The following NYX variants were observed in gnomAD, a reference collection of about 807,000 sequenced individuals.
NYX encodes the protein nyctalopin.
For synonymous variants in NYX, 258 were observed against 245.7 expected (o/e 1.05, Z -0.47); for missense variants, 481 against 485.4 (o/e 0.99, Z 0.09).
intron 2 of NYX, among the ~76,000 whole-genome samples, chrX:41,451,071 A>G (rs1021622554): frequency 3.7e-5 from 4 of 108,348 alleles, no homozygotes; most frequent in Non-Finnish European, 7.7e-5. Flanking sequence ...GACAGGCTCA[A>G]GTGAGGCTGC....
chrX:41,461,628 T>C (rs2859028), intron 2 of NYX, among the ~76,000 whole-genome samples: 29,407 of 109,470 alleles, frequency 0.27, 3,243 homozygotes, highest in East Asian at 0.43. Flanking sequence ...ATAGTGGTTG[T>C]AGTAGTTTAC....
rs1367548663 is a variant in NYX at position 41,472,019 on chromosome X, C to T, written c.23-1472C>T. Among the ~76,000 whole-genome samples, 4 of 110,388 alleles carry T rather than the reference C, an allele frequency of 3.6e-5. No homozygotes were observed. The Admixed American group carries it at 3.9e-4, about 11-fold the overall frequency. On this transcript the variant is annotated intron_variant, in intron 2 of 2. Transcript: ENST00000378220. ...GGCAATGGCATCAGGCCCATATTTC[C>T]GTAGAGTTCAGAGTTCTGTGAGGTA...
intron 2 of NYX, among the ~76,000 whole-genome samples, chrX:41,467,935 A>G (rs1322184655): frequency 8.9e-6 from 1 of 111,807 alleles, no homozygotes; most frequent in Non-Finnish European, 1.9e-5. Context: ...CTGGGATTAC[A>G]GGTGTGAGCC....
Position 41,475,122 on chromosome X carries a change from G to A in NYX, c.*223G>A, listed in dbSNP as rs1170431436. The A allele has an allele frequency of 9.1e-6, 4 of 441,783 alleles. No homozygotes were observed. Among genetic ancestry groups the A allele is most frequent in the Non-Finnish European group, 1.6e-5 (4 of 251,488 alleles). 36.4% of individuals were successfully genotyped at this position (441,783 alleles called of 1,213,427 possible). The stretch of plus-strand genomic sequence containing the variant: ...CACGGGCATCCATTGGAAAAGAGAA[G>A]CAAGAATGAACGTGGGCCCTCGGGT... On this transcript the variant is annotated 3_prime_UTR_variant, in exon 3 of 3. Transcript: ENST00000378220.
At position 41,475,334 on chromosome X, in the gene NYX, A is replaced by G. The variant is rs2064387004; in HGVS notation, c.*435A>G. On this transcript the variant is annotated 3_prime_UTR_variant, in exon 3 of 3. Coordinates refer to ENST00000378220, the MANE Select transcript of NYX (RefSeq NM_001378477.3). Reference sequence around the variant, plus strand: ...ATTACACCGAAGTCCTTTGTTTTCTACCACAATCCTCCTCCTCCTCTCCAG... The same window carrying G: ...ATTACACCGAAGTCCTTTGTTTTCTGCCACAATCCTCCTCCTCCTCTCCAG... The G allele has an allele frequency of 6.7e-6, 1 of 149,670 alleles. No individual in the cohort carries two copies. The highest frequency in any genetic ancestry group is 7.8e-5 in the Admixed American group (1 of 12,898). The allele number at this position is 149,670 out of a possible 1,213,427, so 12.3% of individuals were successfully genotyped here.
At chrX:41,459,471 T>C (rs898009805) in intron 2 of NYX, among the ~76,000 whole-genome samples, 1 of 108,921 alleles carries the variant, frequency 9.2e-6, no homozygotes. Flanking sequence ...ATACAAAAAT[T>C]ATCTGGGTGT....
chrX:41,459,204 G>A (rs894581797), intron 2 of NYX, among the ~76,000 whole-genome samples: 3 of 112,118 alleles, frequency 2.7e-5, no homozygotes, highest in Admixed American at 1.9e-4. Context: ...TGTTACCACA[G>A]TACCTAAACT....
chrX:41,455,027 A>G (rs1264639843), intron 2 of NYX, among the ~76,000 whole-genome samples: 2 of 111,707 alleles, frequency 1.8e-5, no homozygotes, highest in African/African-American at 6.5e-5. Flanking sequence ...GCAACGAGAC[A>G]CATCTGTCCC....
At chrX:41,449,593 GA>G (rs1191731572) in intron 2 of NYX, among the ~76,000 whole-genome samples, 1 of 110,322 alleles carries the variant, frequency 9.1e-6, no homozygotes, top group East Asian at 2.9e-4. Context: ...AAAAAAAAAT[GA>G]AACTTGATTG....
Position 41,473,907 on chromosome X carries a change from G to A in NYX, c.439G>A (p.Glu147Lys). 8.0e-6 allele frequency: 9 copies of A among 1,126,034 alleles called. No individual in the cohort carries two copies. Among genetic ancestry groups the A allele is most frequent in the African/African-American group, 1.9e-5 (1 of 53,129 alleles). The allele number at this position is 1,126,034 out of a possible 1,213,427, so 92.8% of individuals were successfully genotyped here. ...AGCCTGCCGCCTCTTCAGCGTGCCC[G>A]AGCGCCTCCTGGCCGAACTGCCGGC... Reference protein sequence around the residue: ...LAACRLFSVPERLLAELPALR... With the variant: ...LAACRLFSVPKRLLAELPALR... The change falls in exon 3 of 3, where the codon GAG becomes AAG. Residue 147 changes from glutamate (E) to lysine (K), a missense_variant. Glu to Lys is a moderately conservative substitution (Grantham distance 56, BLOSUM62 1). Coordinates refer to ENST00000378220, the MANE Select transcript of NYX (RefSeq NM_001378477.3).
At chrX:41,459,284 C>T (rs1375017980) in intron 2 of NYX, among the ~76,000 whole-genome samples, 1 of 110,762 alleles carries the variant, frequency 9.0e-6, no homozygotes, top group African/African-American at 3.3e-5. Context: ...TGAGCTGCCC[C>T]GAGCCACTCC....
Position 41,473,969 on chromosome X carries a change from C to T in NYX, c.501C>T (p.Arg167=), listed in dbSNP as rs757923916. ...TCGCCGCCTTCGACAACCTGTTCCG[C>T]CGCGTGCCGGGCGCGCTGCGCGGCC... The part of the protein sequence containing the change: ...RELAAFDNLF[R]RVPGALRGLA... Residue 167 remains arginine (R), a synonymous_variant, in exon 3 of 3, where the codon CGC becomes CGT. Coordinates refer to ENST00000378220, the MANE Select transcript of NYX (RefSeq NM_001378477.3). The T allele has an allele frequency of 1.5e-5, 16 of 1,085,697 alleles. No individual in the cohort carries two copies. Among genetic ancestry groups the T allele is most frequent in the Non-Finnish European group, 6.0e-6 (5 of 839,854 alleles). The allele number at this position is 1,085,697 out of a possible 1,213,427, so 89.5% of individuals were successfully genotyped here.
At chrX:41,460,570 C>T (rs1036724681) in intron 2 of NYX, among the ~76,000 whole-genome samples, 25 of 111,414 alleles carry the variant, frequency 2.2e-4, no homozygotes, top group African/African-American at 7.8e-4. Flanking sequence ...AAGCAATCAC[C>T]GATTTTTACT....
chrX:41,447,796 G>T, intron 1 of NYX, 53 bp from the exon 2 acceptor site: 1 of 888,446 alleles, frequency 1.1e-6, no homozygotes, highest in East Asian at 3.2e-5. Flanking sequence ...GGCATGGGAG[G>T]GTTCTCATGG....
At chrX:41,465,836 C>T (rs912670518) in intron 2 of NYX, among the ~76,000 whole-genome samples, 54 of 109,203 alleles carry the variant, frequency 4.9e-4, no homozygotes, top group Admixed American at 2.4e-3. Flanking sequence ...ACCTTGAACT[C>T]TTAAACTGCC....
At chrX:41,448,545 T>C (rs1237227336) in intron 2 of NYX, among the ~76,000 whole-genome samples, 3 of 98,965 alleles carry the variant, frequency 3.0e-5, no homozygotes, top group Non-Finnish European at 4.0e-5. Flanking sequence ...CGGTGGTTTT[T>C]TCTTTTCTTT....
In NYX at chrX:41,458,112, A is replaced by C. The variant is rs766423512; in HGVS notation, c.22+10186A>C. 2.1e-4 allele frequency among the ~76,000 whole-genome samples: 23 copies of C among 111,218 alleles called. No individual in the cohort carries two copies. In the South Asian group the frequency reaches 2.3e-3, roughly 11 times the overall value. On this transcript the variant is annotated intron_variant, in intron 2 of 2. Transcript: ENST00000378220. Reference sequence around the variant, plus strand: ...TTTATTACAAATCTACTTTTGCAATAATAACATTAATTCCTTCATGAGAGC... The same window carrying C: ...TTTATTACAAATCTACTTTTGCAATCATAACATTAATTCCTTCATGAGAGC...
intron 2 of NYX, among the ~76,000 whole-genome samples, chrX:41,463,568 GTGCGCCACCACACCCAGC>G (rs1202011356): frequency 9.1e-6 from 1 of 110,162 alleles, no homozygotes; most frequent in Non-Finnish European, 1.9e-5. Flanking sequence ...GACTACAGGT[GTGCGCCACCACACCCAGC>G]TAATTTTTGT....
intron 2 of NYX, among the ~76,000 whole-genome samples, chrX:41,464,218 T>C (rs1425306428): frequency 9.1e-6 from 1 of 109,576 alleles, no homozygotes; most frequent in Non-Finnish European, 1.9e-5. Context: ...TGATCTCCAC[T>C]TACTGCAACC....
Sources: allele counts gnomAD v4.1 joint callset (sites outside exome capture counted in the v4.1 genomes callset), GRCh38; gene constraint gnomAD v4.1.1; transcripts MANE v1.5; gene names NCBI Gene and HGNC (gene_info 2026-07-23, HGNC 2026-07-21).